The following BMPR1B variants were observed in gnomAD, a reference collection of about 807,000 sequenced individuals.
BMPR1B encodes bone morphogenetic protein receptor type-1B.
A neutral mutation model predicts 59.1 loss-of-function variants in BMPR1B; 12 were observed. That is an observed-to-expected ratio of 0.20 (90% CI 0.13 to 0.33). The LOEUF (loss-of-function observed/expected upper bound fraction) is 0.33. Ranked by LOEUF, BMPR1B falls within the 10% of genes least tolerant of loss-of-function variation. The pLI is 1.00. For missense variants in BMPR1B, 550 were observed against 610.9 expected, an observed-to-expected ratio of 0.90 and a Z score of 1.05; for synonymous variants, 237 against 207.3, an observed-to-expected ratio of 1.14 and a Z score of -1.23.
intron 3 of BMPR1B, among the ~76,000 whole-genome samples, chr4:95,039,090 G>A (rs919380927): frequency 1.3e-5 from 2 of 152,104 alleles, no homozygotes; most frequent in Non-Finnish European, 2.9e-5. Flanking sequence ...TGTAACTAAG[G>A]CTCTTATATT....
chr4:95,025,242 A>T (rs894459112), intron 3 of BMPR1B, among the ~76,000 whole-genome samples: 22 of 152,208 alleles, frequency 1.4e-4, no homozygotes, highest in African/African-American at 5.1e-4. Flanking sequence ...AAAGAATCAG[A>T]TCGAGGCCAA....
chr4:95,155,636 A>G lies in BMPR1B; in HGVS notation c.*963A>G, dbSNP rs1311656995. 6.6e-6 allele frequency: 1 copy of G among 151,892 alleles called. No homozygotes were observed. Among genetic ancestry groups the G allele is most frequent in the Non-Finnish European group, 1.5e-5 (1 of 67,978 alleles). 9.4% of individuals were successfully genotyped at this position (151,892 alleles called of 1,614,324 possible). On this transcript the variant is annotated 3_prime_UTR_variant, in exon 13 of 13. Transcript: ENST00000515059. ...TAGAGGTAATTTGCTCTTGTGTTGT[A>G]AGAGGAACATGTCAACAAAGATAGG... is the stretch of plus-strand genomic sequence containing the variant.
intron 1 of BMPR1B, among the ~76,000 whole-genome samples, chr4:94,825,681 A>G (rs1447200442): frequency 1.3e-5 from 2 of 152,166 alleles, no homozygotes; most frequent in African/African-American, 2.4e-5. Flanking sequence ...CCTGGTTGCA[A>G]TAGTTCTGGG....
In BMPR1B at chr4:95,026,106, C is replaced by CTTTCTTTCTTTCTTTCTTTCTTTT. The variant is rs1560602868; in HGVS notation, c.-18+29995_-18+29996insTTTTCTTTCTTTCTTTCTTTCTTT. 6.0e-4 allele frequency among the ~76,000 whole-genome samples: 80 copies of CTTTCTTTCTTTCTTTCTTTCTTTT among 133,380 alleles called. 1 individual carries two copies. Among genetic ancestry groups the CTTTCTTTCTTTCTTTCTTTCTTTT allele is most frequent in the Middle Eastern group, 7.4e-3 (2 of 272 alleles). The allele number at this position is 133,380 out of a possible 152,430, so 87.5% of individuals were successfully genotyped here. A position where few individuals can be genotyped will look rare whatever the true frequency, so the allele number is the denominator to read the frequency against. On this transcript the variant is annotated intron_variant, in intron 3 of 12. Coordinates refer to ENST00000515059, the MANE Select transcript of BMPR1B (RefSeq NM_001203.3). Reference sequence around the variant, plus strand: ...CTGGATTGCTTTCTTTCATTTCTTTCTTTCTTTCTTTCTTTCTTTCTTTCT... The same window carrying CTTTCTTTCTTTCTTTCTTTCTTTT: ...CTGGATTGCTTTCTTTCATTTCTTTCTTTCTTTCTTTCTTTCTTTCTTTTTTTCTTTCTTTCTTTCTTTCTTTCT...
At chr4:95,040,417 A>G (rs1233987328) in intron 3 of BMPR1B, among the ~76,000 whole-genome samples, 3 of 152,202 alleles carry the variant, frequency 2.0e-5, no homozygotes, top group Non-Finnish European at 4.4e-5. Flanking sequence ...ATTTACATAA[A>G]TTTTATGCAC....
At chr4:94,803,820 A>G (rs937334528) in intron 1 of BMPR1B, among the ~76,000 whole-genome samples, 2 of 152,088 alleles carry the variant, frequency 1.3e-5, no homozygotes, top group Admixed American at 6.5e-5. Flanking sequence ...AGCTTGGGCC[A>G]TATTTGGGGA....
intron 1 of BMPR1B, among the ~76,000 whole-genome samples, chr4:94,837,441 T>C (rs1724869606): frequency 7.1e-6 from 1 of 141,556 alleles, no homozygotes; most frequent in African/African-American, 2.6e-5. Flanking sequence ...CGTTGAGCAG[T>C]GGTTTGTAGT....
At chr4:95,018,135 T>G (rs1723716109) in intron 3 of BMPR1B, among the ~76,000 whole-genome samples, 1 of 152,196 alleles carries the variant, frequency 6.6e-6, no homozygotes, top group East Asian at 1.9e-4. Flanking sequence ...AAAATAATTA[T>G]TAAAGAATGC....
chr4:95,044,620 G>A (rs1414876079), intron 3 of BMPR1B, among the ~76,000 whole-genome samples: 1 of 152,188 alleles, frequency 6.6e-6, no homozygotes, highest in African/African-American at 2.4e-5. Context: ...AGCAATGAAA[G>A]CAGAGAGAAG....
intron 3 of BMPR1B, 38 bp from the exon 4 acceptor site, chr4:95,104,369 AC>A (rs746535073): frequency 5.6e-6 from 9 of 1,608,066 alleles, no homozygotes; most frequent in Non-Finnish European, 6.8e-6. Context: ...GGGGTAGTCT[AC>A]CCCACAGATG....
chr4:95,012,312 A>G (rs935950845), intron 3 of BMPR1B, among the ~76,000 whole-genome samples: 4 of 152,174 alleles, frequency 2.6e-5, no homozygotes, highest in African/African-American at 7.2e-5. Context: ...TTCAATACCT[A>G]TTAGACAATT....
At chr4:95,079,919 T>C (rs1728992644) in intron 3 of BMPR1B, among the ~76,000 whole-genome samples, 1 of 152,176 alleles carries the variant, frequency 6.6e-6, no homozygotes, top group South Asian at 2.1e-4. Flanking sequence ...ACTTTCTGTA[T>C]ATGCTTGTTT....
chr4:94,775,724 G>A (rs1722339177), intron 1 of BMPR1B, among the ~76,000 whole-genome samples: 1 of 152,232 alleles, frequency 6.6e-6, no homozygotes, highest in African/African-American at 2.4e-5. Context: ...TTATTAAACT[G>A]TGTAAACCGT....
chr4:94,851,096 C>A (rs1282654572), intron 1 of BMPR1B, among the ~76,000 whole-genome samples: 1 of 151,878 alleles, frequency 6.6e-6, no homozygotes, highest in Non-Finnish European at 1.5e-5. Flanking sequence ...TGTCTTCCTA[C>A]TGGAAAGGGG....
At chr4:94,912,754 T>A (rs1220968041) in intron 2 of BMPR1B, among the ~76,000 whole-genome samples, 4 of 152,014 alleles carry the variant, frequency 2.6e-5, no homozygotes, top group Non-Finnish European at 5.9e-5. Flanking sequence ...GCCTCACAGG[T>A]GATTCTGGTA....
intron 2 of BMPR1B, among the ~76,000 whole-genome samples, chr4:94,921,005 AC>A (rs1415139480): frequency 6.6e-6 from 1 of 152,150 alleles, no homozygotes; most frequent in Non-Finnish European, 1.5e-5. Flanking sequence ...GTATGTTTTT[AC>A]CCATTTTAAC....
At chr4:94,815,403 A>G (rs1723974555) in intron 1 of BMPR1B, among the ~76,000 whole-genome samples, 1 of 152,198 alleles carries the variant, frequency 6.6e-6, no homozygotes, top group Non-Finnish European at 1.5e-5. Context: ...TTTTCCAGCA[A>G]ATAACTCTCC....
At chr4:94,807,385 A>C (rs577739745) in intron 1 of BMPR1B, among the ~76,000 whole-genome samples, 8 of 152,202 alleles carry the variant, frequency 5.3e-5, no homozygotes, top group African/African-American at 1.9e-4. Context: ...GAGCCAAAGA[A>C]CCAGCTGTGT....
chr4:95,047,748 A>G (rs143847711), intron 3 of BMPR1B, among the ~76,000 whole-genome samples: 2 of 152,296 alleles, frequency 1.3e-5, no homozygotes, highest in East Asian at 3.9e-4. Context: ...TTCCCATTCT[A>G]CCATTGATTT....
Sources: allele counts gnomAD v4.1 joint callset (sites outside exome capture counted in the v4.1 genomes callset), GRCh38; gene constraint gnomAD v4.1.1; transcripts MANE v1.5; gene names NCBI Gene and HGNC (gene_info 2026-07-23, HGNC 2026-07-21).